Variants in SGK3 observed in about 807,000 individuals in gnomAD.
SGK3 encodes serine/threonine-protein kinase Sgk3.
Under a neutral mutation model 68.5 loss-of-function variants are expected in SGK3, and 47 were observed. The observed-to-expected ratio is 0.69, with a 90% CI of 0.54 to 0.87. The LOEUF (loss-of-function observed/expected upper bound fraction) is 0.87, where lower values mean the gene tolerates loss of function less well. SGK3 is among the 40% of genes least tolerant of loss of function. The probability of loss-of-function intolerance (pLI) is 0.00; values close to 1 mark genes in which losing one functional copy is unlikely to be tolerated. For missense variants in SGK3, 479 were observed against 575.5 expected, an observed-to-expected ratio of 0.83 and a Z score of 1.72; for synonymous variants, 181 against 189.1, an observed-to-expected ratio of 0.96 and a Z score of 0.35.
At chr8:66,721,234 C>T (rs1333510032) in intron 1 of SGK3, among the ~76,000 whole-genome samples, 1 of 152,220 alleles carries the variant, frequency 6.6e-6, no homozygotes, top group Admixed American at 6.5e-5. Flanking sequence ...CATCCATCCC[C>T]TTTTCTTCCC....
intron 1 of SGK3, among the ~76,000 whole-genome samples, chr8:66,776,904 T>C (rs1331283448): frequency 2.0e-5 from 3 of 152,242 alleles, no homozygotes; most frequent in Non-Finnish European, 4.4e-5. Flanking sequence ...CCTTTTAAAA[T>C]GCAGCCCTCT....
chr8:66,721,886 A>G (rs1378489993), intron 1 of SGK3, among the ~76,000 whole-genome samples: 1 of 152,198 alleles, frequency 6.6e-6, no homozygotes, highest in Non-Finnish European at 1.5e-5. Flanking sequence ...TTTTCAAGTA[A>G]GTTAAAGACT....
chr8:66,772,540 G>A (rs983438542), intron 1 of SGK3, among the ~76,000 whole-genome samples: 8 of 149,492 alleles, frequency 5.4e-5, no homozygotes, highest in African/African-American at 7.4e-5. Flanking sequence ...GACTACAGGC[G>A]CGCACCACTA....
chr8:66,741,828 T>G (rs1300875411), intron 1 of SGK3, among the ~76,000 whole-genome samples: 2 of 152,206 alleles, frequency 1.3e-5, no homozygotes, highest in Non-Finnish European at 2.9e-5. Context: ...TAGATGGGGC[T>G]TTGGTAATAA....
chr8:66,752,360 G>C (rs1460446690), intron 1 of SGK3, among the ~76,000 whole-genome samples: 1 of 152,058 alleles, frequency 6.6e-6, no homozygotes, highest in Non-Finnish European at 1.5e-5. Flanking sequence ...GGGCAATCTG[G>C]GGCAATTGGT....
rs555664849 is a variant in SGK3, at chr8:66,726,260, G to A, written c.-122+13427G>A. 3.3e-5 allele frequency among the ~76,000 whole-genome samples: 5 copies of A among 152,216 alleles called. No homozygotes were observed. The East Asian group carries it at 5.8e-4, about 18-fold the overall frequency. On this transcript the variant is annotated intron_variant, in intron 1 of 16. Coordinates refer to ENST00000521198, the MANE Select transcript of SGK3 (RefSeq NM_001033578.3). ...AATAACGCTGTGGGATGGGTAGGTC[G>A]TTTTATTTTGTAGATGAGTCACTTG... is the stretch of plus-strand genomic sequence containing the variant.
At chr8:66,755,269 A>AAC (rs1486078939) in intron 1 of SGK3, among the ~76,000 whole-genome samples, 2 of 151,952 alleles carry the variant, frequency 1.3e-5, no homozygotes, top group African/African-American at 4.8e-5. Context: ...AAAAAAAAAA[A>AAC]AAAACGAAAA....
At chr8:66,746,900 G>A (rs927034210) in intron 1 of SGK3, among the ~76,000 whole-genome samples, 1 of 151,930 alleles carries the variant, frequency 6.6e-6, no homozygotes, top group Non-Finnish European at 1.5e-5. Flanking sequence ...CTATGCTAAT[G>A]TTTCTTCTAC....
chr8:66,769,455 C>T (rs1369376213), intron 1 of SGK3, among the ~76,000 whole-genome samples: 3 of 152,186 alleles, frequency 2.0e-5, no homozygotes, highest in African/African-American at 7.2e-5. Flanking sequence ...AACTCCAGAC[C>T]TCAAATGATC....
intron 3 of SGK3, among the ~76,000 whole-genome samples, chr8:66,802,965 T>C (rs929532426): frequency 1.3e-5 from 2 of 152,180 alleles, no homozygotes; most frequent in Admixed American, 1.3e-4. Context: ...TCTGTAAATA[T>C]TTTAGTATAC....
intron 16 of SGK3, among the ~76,000 whole-genome samples, chr8:66,858,015 T>G (rs1035214620): frequency 6.6e-6 from 1 of 151,894 alleles, no homozygotes; most frequent in African/African-American, 2.4e-5. Context: ...ACAGTAAGAG[T>G]CATCTTTCAC....
intron 1 of SGK3, among the ~76,000 whole-genome samples, chr8:66,728,570 G>T (rs890967155): frequency 3.3e-5 from 5 of 151,910 alleles, no homozygotes; most frequent in Non-Finnish European, 7.4e-5. Context: ...CAGATGATCC[G>T]TCCACCTTGG....
chr8:66,838,304 T>C (rs988993853), intron 10 of SGK3, among the ~76,000 whole-genome samples: 3 of 152,094 alleles, frequency 2.0e-5, no homozygotes, highest in African/African-American at 7.2e-5. Flanking sequence ...GACCTCATGA[T>C]CCACCCGCCT....
At chr8:66,803,453 C>CTACATACTGTATAGCTGGA (rs1554600844) in intron 3 of SGK3, among the ~76,000 whole-genome samples, 8 of 148,046 alleles carry the variant, frequency 5.4e-5, no homozygotes, top group African/African-American at 1.5e-4. Flanking sequence ...CCTCAGCCTC[C>CTACATACTGTATAGCTGGA]CAAAGTGCTG....
chr8:66,793,608 T>G lies in SGK3; in HGVS notation c.-121-8T>G. 1.3e-6 allele frequency: 1 copy of G among 756,608 alleles called. No individual in the cohort carries two copies. Among genetic ancestry groups the G allele is most frequent in the Non-Finnish European group, 2.0e-6 (1 of 502,048 alleles). The allele number at this position is 756,608 out of a possible 1,614,324, so 46.9% of individuals were successfully genotyped here. ...GCTAATCACTTTTTTTTTTTTCTGT[T>G]GGTTAAGGTTGCATGATGGAATTTG... is the stretch of plus-strand genomic sequence containing the variant. On this transcript the variant is annotated splice_polypyrimidine_tract_variant and splice_region_variant and intron_variant, in intron 1 of 16. Coordinates refer to ENST00000521198, the MANE Select transcript of SGK3 (RefSeq NM_001033578.3).
chr8:66,792,969 T>C (rs758827454), intron 1 of SGK3, among the ~76,000 whole-genome samples: 1 of 152,334 alleles, frequency 6.6e-6, no homozygotes, highest in Middle Eastern at 3.4e-3. Flanking sequence ...CTGCTGTGTG[T>C]AGCAAAGGTG....
rs1251502985 is a variant in SGK3, at chr8:66,859,462, G to T, written c.1372G>T (p.Val458Phe). 6.2e-7 allele frequency: 1 copy of T among 1,612,674 alleles called. No individual in the cohort carries two copies. The highest frequency in any genetic ancestry group is 1.3e-5 in the African/African-American group (1 of 75,046). ...TGACACAGCATTTACAGAAGAAACA[G>T]TTCCATATTCTGTGTGTGTATCTTC... ...NFDTAFTEET[V>F]PYSVCVSSDY... The change falls in exon 17 of 17, where the codon GTT becomes TTT. Residue 458 changes from valine to phenylalanine, a missense_variant. Val to Phe is a conservative substitution (Grantham distance 50, BLOSUM62 -1). Around this residue, in one of 3 missense-constraint regions of SGK3, gnomAD observed 173 missense variants for 214.3 expected, o/e 0.81. Transcript: ENST00000521198.
intron 1 of SGK3, among the ~76,000 whole-genome samples, chr8:66,735,120 T>C (rs76784369): frequency 0.13 from 19,590 of 152,132 alleles, 2,345 homozygotes; most frequent in African/African-American, 0.32. Flanking sequence ...TATGTATATA[T>C]AGGAAAAAAC....
At chr8:66,784,944 A>G (rs1807139556) in intron 1 of SGK3, among the ~76,000 whole-genome samples, 1 of 152,070 alleles carries the variant, frequency 6.6e-6, no homozygotes, top group Non-Finnish European at 1.5e-5. Context: ...TCCTTATTTC[A>G]TAATTAGCCC....
Sources: gnomAD v4.1 joint callset for allele counts (sites outside exome capture counted in the v4.1 genomes callset) on GRCh38, gnomAD v4.1.1 for gene constraint, gnomAD v4.1.1 regional missense constraint, MANE v1.5 for transcripts, NCBI Gene and HGNC (gene_info 2026-07-23, HGNC 2026-07-21) for gene names.